Variants in BANK1 observed in about 807,000 individuals in gnomAD.
BANK1 encodes B cell scaffold protein with ankyrin repeats 1, also known as B-cell scaffold protein with ankyrin repeats.
A neutral mutation model predicts 94.5 loss-of-function variants in BANK1; 95 were observed. The observed-to-expected ratio is 1.00, with a 90% CI of 0.85 to 1.19. The LOEUF is 1.19. BANK1 is among the 50% of genes most tolerant of loss of function. BANK1 has a pLI of 0.00. For missense variants in BANK1, 987 were observed against 932.2 expected (o/e 1.06, Z -0.77); for synonymous variants, 334 against 308.4 (o/e 1.08, Z -0.87).
At chr4:101,870,418 A>G in intron 4 of BANK1, 87 bp from the exon 5 acceptor site, 1 of 1,231,512 alleles carries the variant, frequency 8.1e-7, no homozygotes, top group South Asian at 2.5e-5. Flanking sequence ...TGAATTTTTA[A>G]AGGCTTCTTT....
chr4:101,925,033 A>G (rs1391278487), intron 7 of BANK1, among the ~76,000 whole-genome samples: 2 of 151,740 alleles, frequency 1.3e-5, no homozygotes, highest in African/African-American at 2.4e-5. Context: ...TAAACCTTAG[A>G]GGGCACTTTG....
intron 2 of BANK1, among the ~76,000 whole-genome samples, chr4:101,837,376 C>A (rs890250384): frequency 1.6e-4 from 24 of 152,112 alleles, no homozygotes; most frequent in African/African-American, 5.8e-4. Context: ...ATTATAACTT[C>A]AGAATTCCAA....
At chr4:101,931,756 G>A (rs1169328422) in intron 7 of BANK1, among the ~76,000 whole-genome samples, 2 of 151,454 alleles carry the variant, frequency 1.3e-5, no homozygotes, top group Non-Finnish European at 3.0e-5. Context: ...CTGAATGCTA[G>A]TTTAATCATA....
At chr4:101,951,746 A>T (rs1724164351) in intron 7 of BANK1, among the ~76,000 whole-genome samples, 1 of 152,060 alleles carries the variant, frequency 6.6e-6, no homozygotes, top group Non-Finnish European at 1.5e-5. Context: ...ATAGAATTAA[A>T]CCTATAAATA....
intron 7 of BANK1, among the ~76,000 whole-genome samples, chr4:101,960,302 A>G (rs1359485104): frequency 6.6e-6 from 1 of 152,058 alleles, no homozygotes; most frequent in Non-Finnish European, 1.5e-5. Flanking sequence ...TTCTATACTC[A>G]AGGTAGATGT....
Position 101,870,651 on chromosome 4 carries a change from T to C in BANK1, c.903+7T>C. ...AGGAGAGAGTTTGTGCCAGGTAAGT[T>C]AATCTTTCCACGAAGTTAATCATAA... is the stretch of plus-strand genomic sequence containing the variant. On this transcript the variant is annotated splice_region_variant and intron_variant, in intron 5 of 16. Coordinates refer to ENST00000322953, the MANE Select transcript of BANK1 (RefSeq NM_017935.5). 1 of 1,607,166 alleles carries C rather than the reference T, an allele frequency of 6.2e-7. No individual in the cohort carries two copies. Among genetic ancestry groups the C allele is most frequent in the Non-Finnish European group, 8.5e-7 (1 of 1,177,304 alleles).
intron 3 of BANK1, among the ~76,000 whole-genome samples, chr4:101,859,944 G>A (rs1420929250): frequency 6.6e-6 from 1 of 152,140 alleles, no homozygotes; most frequent in African/African-American, 2.4e-5. Flanking sequence ...TGATGGTTAT[G>A]GATATGCAGT....
chr4:101,860,758 G>T (rs192224508), intron 3 of BANK1, among the ~76,000 whole-genome samples: 1 of 152,270 alleles, frequency 6.6e-6, no homozygotes, highest in South Asian at 2.1e-4. Context: ...TGTGTCAGAA[G>T]CAGTCATGAG....
At chr4:101,820,324 G>A (rs771834993) in intron 1 of BANK1, among the ~76,000 whole-genome samples, 1 of 152,000 alleles carries the variant, frequency 6.6e-6, no homozygotes, top group Non-Finnish European at 1.5e-5. Flanking sequence ...ATCGTTTTTT[G>A]TGGAATTTTC....
chr4:101,968,733 A>G (rs1221523351), intron 7 of BANK1, among the ~76,000 whole-genome samples: 1 of 152,152 alleles, frequency 6.6e-6, no homozygotes, highest in Non-Finnish European at 1.5e-5. Flanking sequence ...AAAATTAGCA[A>G]GAATTCTTCC....
chr4:101,908,287 C>G (rs570006550), intron 6 of BANK1, among the ~76,000 whole-genome samples: 5 of 152,100 alleles, frequency 3.3e-5, no homozygotes, highest in South Asian at 4.2e-4. Context: ...ACAAACCTGA[C>G]AAAAACAAGA....
At chr4:101,863,902 A>T (rs1250263819) in intron 4 of BANK1, among the ~76,000 whole-genome samples, 1 of 152,184 alleles carries the variant, frequency 6.6e-6, no homozygotes, top group African/African-American at 2.4e-5. Flanking sequence ...CACTTAAATA[A>T]TATTTCCCAA....
intron 5 of BANK1, among the ~76,000 whole-genome samples, chr4:101,877,340 C>T (rs1442651264): frequency 6.6e-6 from 1 of 151,994 alleles, no homozygotes; most frequent in East Asian, 1.9e-4. Context: ...TCTGAAGGTA[C>T]AAAACTTACT....
intron 13 of BANK1, among the ~76,000 whole-genome samples, chr4:102,070,624 C>G (rs1560720110): frequency 6.6e-6 from 1 of 152,200 alleles, no homozygotes; most frequent in East Asian, 1.9e-4. Flanking sequence ...CACAGGCTGC[C>G]AATTATCATT....
At chr4:101,860,064 A>G (rs545144256) in intron 3 of BANK1, among the ~76,000 whole-genome samples, 2 of 152,326 alleles carry the variant, frequency 1.3e-5, no homozygotes, top group East Asian at 3.9e-4. Context: ...GGAGCTGGTG[A>G]GACCTGAGTT....
chr4:101,807,448 A>C (rs1376546882), intron 1 of BANK1, among the ~76,000 whole-genome samples: 1 of 152,198 alleles, frequency 6.6e-6, no homozygotes, highest in East Asian at 1.9e-4. Context: ...CCAGAGCTCC[A>C]AACCGAGACA....
chr4:101,982,491 T>G (rs1725354260), intron 7 of BANK1, among the ~76,000 whole-genome samples: 1 of 152,030 alleles, frequency 6.6e-6, no homozygotes, highest in African/African-American at 2.4e-5. Context: ...GCTAAGTAGG[T>G]ATACATTTGT....
chr4:101,838,590 A>G (rs911608995), intron 2 of BANK1, among the ~76,000 whole-genome samples: 1 of 152,214 alleles, frequency 6.6e-6, no homozygotes, highest in African/African-American at 2.4e-5. Flanking sequence ...AACTATGTAC[A>G]GAGCCCAGGA....
intron 6 of BANK1, among the ~76,000 whole-genome samples, chr4:101,900,858 A>G (rs1489335377): frequency 1.3e-5 from 2 of 152,104 alleles, no homozygotes; most frequent in African/African-American, 2.4e-5. Flanking sequence ...CCATAGCCTG[A>G]ATGAGATTAT....
Sources: allele counts gnomAD v4.1 joint callset (sites outside exome capture counted in the v4.1 genomes callset), GRCh38; gene constraint gnomAD v4.1.1; transcripts MANE v1.5; gene names NCBI Gene and HGNC (gene_info 2026-07-23, HGNC 2026-07-21).